Variants in ADAMTSL3 observed in about 807,000 individuals in gnomAD.
ADAMTSL3 encodes ADAMTS like 3.
ADAMTSL3 carries 128 observed loss-of-function variants against 201.7 expected under a neutral mutation model. The observed-to-expected ratio is 0.63, with a 90% confidence interval of 0.55 to 0.73. The LOEUF is 0.73. Among genes scored for constraint, ADAMTSL3 ranks in the 30% least tolerant of loss-of-function variants. The pLI, the probability that ADAMTSL3 is intolerant of heterozygous loss-of-function variation, is 0.00. For synonymous variants in ADAMTSL3, 738 were observed against 748.4 expected (o/e 0.99, Z 0.23); for missense variants, 1,990 against 2,119.6 (o/e 0.94, Z 1.20).
At chr15:83,833,523 C>T (rs536887713) in intron 6 of ADAMTSL3, among the ~76,000 whole-genome samples, 1 of 152,168 alleles carries the variant, frequency 6.6e-6, no homozygotes, top group Non-Finnish European at 1.5e-5. Context: ...TGGGTGTGGA[C>T]ACATTCAGTC....
At chr15:83,810,829 C>G (rs2141882033) in intron 5 of ADAMTSL3, among the ~76,000 whole-genome samples, 1 of 152,306 alleles carries the variant, frequency 6.6e-6, no homozygotes, top group African/African-American at 2.4e-5. Flanking sequence ...ACCTCTGCCT[C>G]CCGGGTTCAA....
At chr15:83,731,498 G>T (rs1039560106) in intron 3 of ADAMTSL3, among the ~76,000 whole-genome samples, 6 of 151,996 alleles carry the variant, frequency 3.9e-5, no homozygotes, top group Non-Finnish European at 8.8e-5. Flanking sequence ...ACAGTATGGA[G>T]GTTCTTCAAA....
At chr15:83,784,516 A>T (rs189773313) in intron 4 of ADAMTSL3, among the ~76,000 whole-genome samples, 62 of 152,300 alleles carry the variant, frequency 4.1e-4, no homozygotes, top group African/African-American at 1.4e-3. Flanking sequence ...TCACTTATTA[A>T]CATACTATCA....
chr15:83,970,406 C>T, intron 19 of ADAMTSL3, 78 bp from the exon 20 acceptor site: 5 of 1,553,840 alleles, frequency 3.2e-6, no homozygotes, highest in Non-Finnish European at 4.4e-6. Flanking sequence ...CTTGTTTCAC[C>T]CTTGGAGACT....
At chr15:83,688,785 C>T (rs1413780361) in intron 2 of ADAMTSL3, among the ~76,000 whole-genome samples, 3 of 144,154 alleles carry the variant, frequency 2.1e-5, no homozygotes, top group African/African-American at 7.4e-5. Flanking sequence ...CACACACATA[C>T]ACACACACAC....
chr15:83,971,576 AAGAAAGAAAG>A (rs1567273055), intron 20 of ADAMTSL3, among the ~76,000 whole-genome samples: 1 of 127,280 alleles, frequency 7.9e-6, no homozygotes, highest in African/African-American at 2.8e-5. Flanking sequence ...AAAAAAAAAA[AAGAAAGAAAG>A]AAAAAAAGAG....
chr15:84,028,214 G>A (rs950419592), intron 27 of ADAMTSL3, among the ~76,000 whole-genome samples: 3 of 152,128 alleles, frequency 2.0e-5, no homozygotes, highest in African/African-American at 7.2e-5. Context: ...ACATTCGATG[G>A]CAAATTGTAT....
At chr15:83,844,386 A>G (rs1428949657) in intron 7 of ADAMTSL3, among the ~76,000 whole-genome samples, 2 of 152,182 alleles carry the variant, frequency 1.3e-5, no homozygotes, top group Non-Finnish European at 2.9e-5. Flanking sequence ...GTCACTCCCA[A>G]AAACCATTTA....
intron 14 of ADAMTSL3, among the ~76,000 whole-genome samples, chr15:83,898,707 C>A (rs1047182654): frequency 1.3e-5 from 2 of 152,168 alleles, no homozygotes; most frequent in Non-Finnish European, 2.9e-5. Flanking sequence ...TTAATGTTAA[C>A]CATCCTCATG....
chr15:83,691,677 C>A (rs138983001), intron 2 of ADAMTSL3, among the ~76,000 whole-genome samples: 2 of 152,136 alleles, frequency 1.3e-5, no homozygotes, highest in Admixed American at 6.5e-5. Flanking sequence ...TGCAATGGTG[C>A]GATCTTGGCT....
chr15:83,840,017 A>T (rs2064344890), intron 7 of ADAMTSL3, among the ~76,000 whole-genome samples: 1 of 152,152 alleles, frequency 6.6e-6, no homozygotes, highest in South Asian at 2.1e-4. Context: ...GCTGATAGCA[A>T]AACCCCTTGT....
At chr15:83,714,849 TTTCCCTCCCTCCCTCCC>T (rs2141548532) in intron 3 of ADAMTSL3, among the ~76,000 whole-genome samples, 1 of 66,900 alleles carries the variant, frequency 1.5e-5, no homozygotes, top group African/African-American at 6.3e-5. Context: ...TTTCTCTCTC[TTTCCCTCCCTCCCTCCC>T]TCCCTCCCTC....
chr15:83,985,168 G>A (rs192014821), intron 21 of ADAMTSL3, among the ~76,000 whole-genome samples: 1 of 151,804 alleles, frequency 6.6e-6, no homozygotes, highest in East Asian at 1.9e-4. Context: ...CCTTCCAAAT[G>A]TTGGTGCATT....
intron 3 of ADAMTSL3, chr15:83,740,030 A>C: frequency 2.7e-6 from 1 of 374,116 alleles, no homozygotes. Flanking sequence ...ACTGACACCT[A>C]TTGTCAGCTC....
chr15:83,866,014 C>T (rs1422078052), intron 8 of ADAMTSL3, among the ~76,000 whole-genome samples: 3 of 152,202 alleles, frequency 2.0e-5, no homozygotes, highest in Non-Finnish European at 4.4e-5. Context: ...AAAAAATGCT[C>T]ATCATCATTG....
At chr15:83,878,685 T>TA (rs1397516118) in intron 9 of ADAMTSL3, among the ~76,000 whole-genome samples, 1 of 152,238 alleles carries the variant, frequency 6.6e-6, no homozygotes, top group African/African-American at 2.4e-5. Flanking sequence ...TCCTTTTATA[T>TA]ATCACTAGAT....
At chr15:83,951,074 T>C (rs1346461183) in intron 19 of ADAMTSL3, among the ~76,000 whole-genome samples, 1 of 151,466 alleles carries the variant, frequency 6.6e-6, no homozygotes, top group East Asian at 1.9e-4. Flanking sequence ...GTGGCGAAAG[T>C]GAGCATCCTT....
At chr15:84,024,604 C>T (rs998917055) in intron 26 of ADAMTSL3, among the ~76,000 whole-genome samples, 3 of 152,208 alleles carry the variant, frequency 2.0e-5, no homozygotes, top group African/African-American at 7.2e-5. Context: ...TCTGCAGTCT[C>T]CCAACAGCAT....
At chr15:83,755,925 T>A (rs1486416485) in intron 3 of ADAMTSL3, among the ~76,000 whole-genome samples, 1 of 152,192 alleles carries the variant, frequency 6.6e-6, no homozygotes, top group Non-Finnish European at 1.5e-5. Context: ...CACATCTGGC[T>A]AATTTTTGTA....
Sources: allele counts gnomAD v4.1 joint callset (sites outside exome capture counted in the v4.1 genomes callset), GRCh38; gene constraint gnomAD v4.1.1; transcripts MANE v1.5; gene names NCBI Gene and HGNC (gene_info 2026-07-23, HGNC 2026-07-21).